The following NKAIN2 variants were observed in gnomAD, a reference collection of about 807,000 sequenced individuals.
NKAIN2 encodes the protein sodium/potassium transporting ATPase interacting 2.
NKAIN2 carries 14 observed loss-of-function variants against 32.6 expected under a neutral mutation model. That is an observed-to-expected ratio of 0.43 (90% CI 0.28 to 0.67). NKAIN2 has a LOEUF of 0.67. NKAIN2 is among the 30% of genes least tolerant of loss of function. NKAIN2 has a pLI of 0.17. For synonymous variants in NKAIN2, 80 were observed against 87.2 expected (o/e 0.92, Z 0.46); for missense variants, 198 against 258.3 (o/e 0.77, Z 1.60).
At chr6:124,809,732 C>A (rs1355050830) in intron 5 of NKAIN2, among the ~76,000 whole-genome samples, 2,544 of 151,968 alleles carry the variant, frequency 0.017, 38 homozygotes, top group African/African-American at 0.057. Context: ...ACAACCTACT[C>A]ATCTGACAAA....
At chr6:124,816,929 T>C (rs1781193419) in intron 5 of NKAIN2, among the ~76,000 whole-genome samples, 2 of 152,222 alleles carry the variant, frequency 1.3e-5, no homozygotes, top group African/African-American at 4.8e-5. Context: ...CACAGTACTT[T>C]TAGAATTGAC....
At chr6:124,583,055 A>G (rs1366862598) in intron 3 of NKAIN2, among the ~76,000 whole-genome samples, 3 of 152,148 alleles carry the variant, frequency 2.0e-5, no homozygotes, top group Admixed American at 1.3e-4. Context: ...TCTAAGAACT[A>G]GAAAATAACA....
chr6:124,139,139 A>G (rs1232744218), intron 1 of NKAIN2, among the ~76,000 whole-genome samples: 5 of 125,612 alleles, frequency 4.0e-5, no homozygotes, highest in African/African-American at 1.5e-4. Flanking sequence ...CGGACTGCGG[A>G]CTGCAGTGGC....
At chr6:124,413,150 G>A (rs544114314) in intron 3 of NKAIN2, among the ~76,000 whole-genome samples, 45 of 152,182 alleles carry the variant, frequency 3.0e-4, no homozygotes, top group South Asian at 8.3e-4. Context: ...ACCCTGCTTC[G>A]GCTCACACAC....
At chr6:124,172,959 A>G (rs1219479406) in intron 1 of NKAIN2, among the ~76,000 whole-genome samples, 1 of 152,076 alleles carries the variant, frequency 6.6e-6, no homozygotes, top group Non-Finnish European at 1.5e-5. Context: ...ATGCCTTTGG[A>G]ATTGCCTCAT....
intron 4 of NKAIN2, among the ~76,000 whole-genome samples, chr6:124,772,500 G>T (rs1320251530): frequency 6.6e-6 from 1 of 152,186 alleles, no homozygotes; most frequent in Non-Finnish European, 1.5e-5. Flanking sequence ...GATATCAGCA[G>T]CATATGTGGA....
At chr6:123,936,330 T>C (rs1446881537) in intron 1 of NKAIN2, among the ~76,000 whole-genome samples, 3 of 152,190 alleles carry the variant, frequency 2.0e-5, no homozygotes, top group Non-Finnish European at 2.9e-5. Flanking sequence ...ATGACTATTC[T>C]GCATAAACTA....
intron 1 of NKAIN2, among the ~76,000 whole-genome samples, chr6:124,106,180 AATCAAGATTCC>A (rs1189821726): frequency 6.6e-6 from 1 of 152,192 alleles, no homozygotes; most frequent in African/African-American, 2.4e-5. Flanking sequence ...GATTTATTTA[AATCAAGATTCC>A]ATCTGAGTTT....
At chr6:124,822,424 G>T (rs372577815) in intron 6 of NKAIN2, among the ~76,000 whole-genome samples, 116 of 152,270 alleles carry the variant, frequency 7.6e-4, no homozygotes, top group African/African-American at 2.6e-3. Context: ...TTCCTTGGAA[G>T]GAAAACAAAT....
intron 3 of NKAIN2, among the ~76,000 whole-genome samples, chr6:124,419,035 C>T (rs1223511794): frequency 1.3e-5 from 2 of 152,056 alleles, no homozygotes; most frequent in Non-Finnish European, 2.9e-5. Context: ...GCTTCCCATT[C>T]TGTGATTTGC....
At chr6:124,391,911 A>G (rs956885808) in intron 3 of NKAIN2, among the ~76,000 whole-genome samples, 2 of 152,102 alleles carry the variant, frequency 1.3e-5, no homozygotes, top group African/African-American at 4.8e-5. Flanking sequence ...CTGCTGAGCA[A>G]CTCAGCACTT....
At chr6:124,187,882 TTA>T (rs60077990) in intron 1 of NKAIN2, among the ~76,000 whole-genome samples, 3,478 of 152,276 alleles carry the variant, frequency 0.023, 118 homozygotes, top group African/African-American at 0.08. Flanking sequence ...CTAGATTGTT[TTA>T]GTCATTTCCT....
In NKAIN2 at chr6:124,807,403, G is replaced by A. The variant is rs530282052; in HGVS notation, c.536-10984G>A. Among the ~76,000 whole-genome samples the A allele has an allele frequency of 5.0e-3, 754 of 151,090 alleles. 3 individuals carry two copies. The highest frequency in any genetic ancestry group is 0.017 in the African/African-American group (707 of 41,224). On this transcript the variant is annotated intron_variant, in intron 5 of 6. Transcript: ENST00000368417. ...CCTGAATGACTACTGGGTACATAAC[G>A]AAATGAAGGCAGAAATAAAGATGTT...
At chr6:124,761,858 A>C (rs1778279559) in intron 4 of NKAIN2, among the ~76,000 whole-genome samples, 1 of 152,140 alleles carries the variant, frequency 6.6e-6, no homozygotes, top group Non-Finnish European at 1.5e-5. Flanking sequence ...TCACATTATG[A>C]ATTTTGGAAA....
chr6:124,663,266 A>G lies in NKAIN2; in HGVS notation c.474+4880A>G, dbSNP rs1249045763. On this transcript the variant is annotated intron_variant, in intron 4 of 6. Transcript: ENST00000368417. ...ATGGTGAAACCCATCTCTACTAAAA[A>G]TACACACACAAAAAAATAGCCAGGT... 2.0e-5 allele frequency among the ~76,000 whole-genome samples: 3 copies of G among 151,932 alleles called. No individual in the cohort carries two copies. The East Asian group carries it at 5.8e-4, about 30-fold the overall frequency.
chr6:124,355,860 T>C lies in NKAIN2; in HGVS notation c.273+513T>C, dbSNP rs534423144. Among the ~76,000 whole-genome samples, 4 of 152,300 alleles carry C rather than the reference T, an allele frequency of 2.6e-5. 1 individual carries two copies. In the South Asian group the frequency reaches 8.3e-4, roughly 32 times the overall value. Reference sequence around the variant, plus strand: ...CTAGGAAAACTAAATACTTGCTTTTTTCATTTAGTTTTTTTGTGCTCTGTA... The same window carrying C: ...CTAGGAAAACTAAATACTTGCTTTTCTCATTTAGTTTTTTTGTGCTCTGTA... On this transcript the variant is annotated intron_variant, in intron 3 of 6. Coordinates refer to ENST00000368417, the MANE Select transcript of NKAIN2 (RefSeq NM_001040214.3).
intron 1 of NKAIN2, among the ~76,000 whole-genome samples, chr6:124,063,398 A>AATT (rs1783013407): frequency 6.6e-6 from 1 of 152,146 alleles, no homozygotes; most frequent in Non-Finnish European, 1.5e-5. Flanking sequence ...GGGGAATAAT[A>AATT]GCTCTATGTT....
intron 3 of NKAIN2, among the ~76,000 whole-genome samples, chr6:124,368,949 A>T (rs1340208682): frequency 6.6e-6 from 1 of 152,172 alleles, no homozygotes; most frequent in East Asian, 1.9e-4. Flanking sequence ...TTTGAAAAAT[A>T]AAATAAAAAT....
At chr6:124,379,631 G>C (rs906855247) in intron 3 of NKAIN2, among the ~76,000 whole-genome samples, 5 of 152,124 alleles carry the variant, frequency 3.3e-5, no homozygotes, top group Non-Finnish European at 7.4e-5. Flanking sequence ...AAGCTTACCT[G>C]ACTGCAGAGC....
Sources: allele counts gnomAD v4.1 joint callset (sites outside exome capture counted in the v4.1 genomes callset), GRCh38; gene constraint gnomAD v4.1.1; transcripts MANE v1.5; gene names NCBI Gene and HGNC (gene_info 2026-07-23, HGNC 2026-07-21).